MORC1: variants seen among roughly 807,000 people sequenced by gnomAD.
MORC1 encodes MORC family CW-type zinc finger 1.
In MORC1, 59 loss-of-function variants were observed where a neutral mutation model predicts 134.9. The observed-to-expected ratio is 0.44, with a 90% confidence interval of 0.35 to 0.54. The LOEUF (loss-of-function observed/expected upper bound fraction) is 0.54, where lower values mean the gene tolerates loss of function less well. Among genes scored for constraint, MORC1 ranks in the 20% least tolerant of loss-of-function variants. The pLI, the probability that MORC1 is intolerant of heterozygous loss-of-function variation, is 0.00. For missense variants in MORC1, 947 were observed against 1,134.5 expected, an observed-to-expected ratio of 0.83 and a Z score of 2.37; for synonymous variants, 395 against 391.7, an observed-to-expected ratio of 1.01 and a Z score of -0.10.
At chr3:109,022,549 C>T (rs1414946082) in intron 17 of MORC1, among the ~76,000 whole-genome samples, 1 of 152,174 alleles carries the variant, frequency 6.6e-6, no homozygotes, top group African/African-American at 2.4e-5. Flanking sequence ...CTTATAAATG[C>T]TATATATTTG....
chr3:108,996,073 C>A (rs1017747901), intron 21 of MORC1, among the ~76,000 whole-genome samples: 1 of 152,122 alleles, frequency 6.6e-6, no homozygotes, highest in South Asian at 2.1e-4. Context: ...CTCAAGGTGC[C>A]TACTTCCTGG....
At chr3:109,054,999 G>A in intron 13 of MORC1, 117 bp from the exon 14 acceptor site, 1 of 925,190 alleles carries the variant, frequency 1.1e-6, no homozygotes, top group Non-Finnish European at 1.6e-6. Flanking sequence ...CTGTTGATCT[G>A]GACCATGTCA....
chr3:108,994,631 T>C (rs1029354084), intron 21 of MORC1, among the ~76,000 whole-genome samples: 1 of 152,104 alleles, frequency 6.6e-6, no homozygotes, highest in African/African-American at 2.4e-5. Context: ...ACAATGTCGG[T>C]TTGGAGAGTG....
intron 24 of MORC1, among the ~76,000 whole-genome samples, chr3:108,973,560 T>C (rs1461929646): frequency 6.6e-6 from 1 of 151,436 alleles, no homozygotes; most frequent in Non-Finnish European, 1.5e-5. Flanking sequence ...TTTTTCTTGG[T>C]GTTTTTTTGT....
intron 21 of MORC1, among the ~76,000 whole-genome samples, chr3:108,996,122 A>G (rs531769599): frequency 2.8e-4 from 42 of 152,256 alleles, no homozygotes; most frequent in African/African-American, 9.4e-4. Context: ...TCCCATCTGT[A>G]AAATAGGGGT....
At chr3:109,073,538 A>G (rs1950363610) in intron 8 of MORC1, among the ~76,000 whole-genome samples, 1 of 151,630 alleles carries the variant, frequency 6.6e-6, no homozygotes, top group African/African-American at 2.4e-5. Flanking sequence ...GAGAAATACA[A>G]CTCCTCCATT....
At chr3:109,115,380 A>C (rs1200472044) in intron 1 of MORC1, among the ~76,000 whole-genome samples, 5 of 151,902 alleles carry the variant, frequency 3.3e-5, no homozygotes, top group Admixed American at 1.3e-4. Flanking sequence ...ATATATCCCC[A>C]CATTTTGGAG....
At chr3:109,021,072 G>A (rs935881198) in intron 17 of MORC1, among the ~76,000 whole-genome samples, 3 of 152,164 alleles carry the variant, frequency 2.0e-5, no homozygotes, top group Non-Finnish European at 2.9e-5. Flanking sequence ...GTACAGGCGT[G>A]GAGGCACAGA....
At chr3:109,006,792 G>C (rs1481456158) in intron 18 of MORC1, among the ~76,000 whole-genome samples, 1 of 152,038 alleles carries the variant, frequency 6.6e-6, no homozygotes, top group African/African-American at 2.4e-5. Flanking sequence ...ATTTAAAAAG[G>C]TTTTTATGTG....
chr3:109,112,475 T>C (rs545877566), intron 2 of MORC1, among the ~76,000 whole-genome samples: 1 of 152,364 alleles, frequency 6.6e-6, no homozygotes, highest in South Asian at 2.1e-4. Context: ...ATAGCTTCTT[T>C]TGATGTCAAC....
chr3:109,115,422 T>C (rs1951249902), intron 1 of MORC1, among the ~76,000 whole-genome samples: 1 of 149,570 alleles, frequency 6.7e-6, no homozygotes, highest in East Asian at 2.0e-4. Context: ...AAAAGTCTCA[T>C]GAGTCAAGTA....
At chr3:109,080,489 T>C (rs762859931) in intron 8 of MORC1, among the ~76,000 whole-genome samples, 2 of 152,166 alleles carry the variant, frequency 1.3e-5, no homozygotes, top group Non-Finnish European at 2.9e-5. Context: ...ATACAGCTTA[T>C]AGAACTATAA....
intron 26 of MORC1, among the ~76,000 whole-genome samples, chr3:108,968,093 A>G (rs1036624276): frequency 6.6e-6 from 1 of 152,224 alleles, no homozygotes; most frequent in African/African-American, 2.4e-5. Flanking sequence ...AATCAATCCC[A>G]GTTTTACATT....
intron 6 of MORC1, among the ~76,000 whole-genome samples, chr3:109,095,486 T>C (rs186190806): frequency 1.3e-5 from 2 of 152,236 alleles, no homozygotes; most frequent in East Asian, 1.9e-4. Flanking sequence ...GAGTTAACTC[T>C]AGAGTTGGGG....
chr3:108,987,315 T>C (rs1345532951), intron 21 of MORC1, among the ~76,000 whole-genome samples: 2 of 152,190 alleles, frequency 1.3e-5, no homozygotes, highest in African/African-American at 4.8e-5. Context: ...GCCTCTATCG[T>C]TTTGAGGAAG....
chr3:108,977,407 A>G (rs1254073017), intron 24 of MORC1, among the ~76,000 whole-genome samples: 1 of 152,190 alleles, frequency 6.6e-6, no homozygotes, highest in African/African-American at 2.4e-5. Flanking sequence ...TTATGGAGAC[A>G]GGGTCTTGCT....
In MORC1 at chr3:109,027,908, C is replaced by T. The variant is rs780137911; in HGVS notation, c.1566-19G>A. On this transcript the variant is annotated intron_variant, in intron 16 of 27. Coordinates refer to ENST00000232603, the MANE Select transcript of MORC1 (RefSeq NM_014429.4). The stretch of plus-strand genomic sequence containing the variant: ...ATGACAACTTCAGAATCAACAAGTA[C>T]AAGATTAACATCAGGAGAAATATAA... 40 of 1,610,084 alleles carry T rather than the reference C, an allele frequency of 2.5e-5. No individual in the cohort carries two copies. Among genetic ancestry groups the T allele is most frequent in the African/African-American group, 6.7e-5 (5 of 74,626 alleles).
chr3:109,112,076 A>G (rs1951178680), intron 2 of MORC1, among the ~76,000 whole-genome samples: 1 of 152,230 alleles, frequency 6.6e-6, no homozygotes, highest in African/African-American at 2.4e-5. Flanking sequence ...GTACACAATA[A>G]ATGTTTAATA....
intron 21 of MORC1, among the ~76,000 whole-genome samples, chr3:108,992,665 T>C (rs534695837): frequency 7.2e-5 from 11 of 152,316 alleles, no homozygotes; most frequent in East Asian, 1.9e-4. Flanking sequence ...TGATTACATG[T>C]AGCAAAAAAT....
Sources: gnomAD v4.1 joint callset for allele counts (sites outside exome capture counted in the v4.1 genomes callset) on GRCh38, gnomAD v4.1.1 for gene constraint, MANE v1.5 for transcripts, NCBI Gene and HGNC (gene_info 2026-07-23, HGNC 2026-07-21) for gene names.